DNAI7: variants seen among roughly 807,000 people sequenced by gnomAD.
The protein encoded by DNAI7 is dynein axonemal intermediate chain 7.
Under a neutral mutation model 86.6 loss-of-function variants are expected in DNAI7, and 78 were observed. The observed-to-expected ratio is 0.90, with a 90% CI of 0.75 to 1.09. The LOEUF is 1.09. Among genes scored for constraint, DNAI7 ranks in the 50% least tolerant of loss-of-function variants. DNAI7 has a pLI of 0.00. For synonymous variants in DNAI7, 274 were observed against 273.0 expected, an observed-to-expected ratio of 1.00 and a Z score of -0.04; for missense variants, 753 against 810.2, an observed-to-expected ratio of 0.93 and a Z score of 0.86.
At chr12:25,188,605 C>T (rs779466694) in intron 2 of DNAI7, among the ~76,000 whole-genome samples, 1 of 147,884 alleles carries the variant, frequency 6.8e-6, no homozygotes, top group Non-Finnish European at 1.5e-5. Context: ...ACCCGGGAGG[C>T]GAAGGTTGCA....
At chr12:25,149,522 T>C (rs1945248857) in intron 7 of DNAI7, 106 bp downstream of exon 7, 1 of 790,708 alleles carries the variant, frequency 1.3e-6, no homozygotes. Context: ...TCTGCTAACT[T>C]TTCCATAATC....
chr12:25,167,801 C>G (rs1322864235), intron 2 of DNAI7, among the ~76,000 whole-genome samples: 2 of 152,164 alleles, frequency 1.3e-5, no homozygotes, highest in Non-Finnish European at 2.9e-5. Context: ...ACTTAAAACA[C>G]CTTTCTCCTT....
At chr12:25,183,392 T>C (rs1479932535) in intron 2 of DNAI7, among the ~76,000 whole-genome samples, 1 of 151,944 alleles carries the variant, frequency 6.6e-6, no homozygotes, top group African/African-American at 2.4e-5. Context: ...GATTTGGGCT[T>C]CTGCTGAAAC....
chr12:25,170,886 A>G (rs990476482), intron 2 of DNAI7, among the ~76,000 whole-genome samples: 5 of 152,244 alleles, frequency 3.3e-5, no homozygotes, highest in African/African-American at 1.2e-4. Flanking sequence ...CATTGGGTCA[A>G]AAACGAAATC....
chr12:25,155,207 T>C, intron 5 of DNAI7, 104 bp downstream of exon 5: 5 of 564,038 alleles, frequency 8.9e-6, no homozygotes, highest in Non-Finnish European at 1.6e-5. Context: ...GAGAGGGTTT[T>C]TTAAAACAGA....
intron 12 of DNAI7, 67 bp downstream of exon 12, chr12:25,119,078 T>G: frequency 1.5e-6 from 2 of 1,320,704 alleles, no homozygotes; most frequent in Non-Finnish European, 2.1e-6. Context: ...TACACTACAC[T>G]TTCTGTTTCA....
chr12:25,147,038 T>A lies in DNAI7; in HGVS notation c.652A>T (p.Thr218Ser). 6.2e-7 allele frequency: 1 copy of A among 1,605,742 alleles called. No homozygotes were observed. The highest frequency in any genetic ancestry group is 8.5e-7 in the Non-Finnish European group (1 of 1,172,490). ...MEKVIKDENVTLYVWANLKKN... is the reference protein window; with the variant it reads ...MEKVIKDENVSLYVWANLKKN... ...TTGAGGTTTGCCCACACATACAGAG[T>A]AACATTTTCATCTTTAATGACTTTT... The change falls in exon 8 of 16, where the codon ACT (threonine) becomes TCT (serine). Residue 218 changes from threonine to serine, a missense_variant. Coordinates refer to ENST00000395987, the MANE Select transcript of DNAI7 (RefSeq NM_018272.5).
chr12:25,190,167 A>C (rs1428396299), intron 2 of DNAI7, among the ~76,000 whole-genome samples: 1 of 152,182 alleles, frequency 6.6e-6, no homozygotes. Context: ...ATTGAACTCA[A>C]ATTTCTAAAC....
chr12:25,145,423 C>T (rs1170593391), intron 8 of DNAI7, among the ~76,000 whole-genome samples: 1 of 152,076 alleles, frequency 6.6e-6, no homozygotes, highest in Non-Finnish European at 1.5e-5. Flanking sequence ...TAAAAGACAC[C>T]ACCTAATTCT....
chr12:25,111,703 A>G lies in DNAI7; in HGVS notation c.1779+69T>C. 4.4e-6 allele frequency: 4 copies of G among 910,090 alleles called. No homozygotes were observed. In the South Asian group the frequency reaches 8.0e-5, roughly 18 times the overall value. The allele number at this position is 910,090 out of a possible 1,614,324, so 56.4% of individuals were successfully genotyped here. A position where few individuals can be genotyped will look rare whatever the true frequency, so the allele number is the denominator to read the frequency against. ...AATACAGTGTATATAATATTAAATT[A>G]TATAACATTTAATAATTGCTAACAT... On this transcript the variant is annotated intron_variant, in intron 14 of 15. Coordinates refer to ENST00000395987, the MANE Select transcript of DNAI7 (RefSeq NM_018272.5).
chr12:25,133,630 A>G (rs1356027222), intron 9 of DNAI7, among the ~76,000 whole-genome samples: 2 of 152,098 alleles, frequency 1.3e-5, no homozygotes, highest in Admixed American at 6.5e-5. Flanking sequence ...AATCATACAT[A>G]CTTCAGCATT....
chr12:25,130,729 T>C (rs973644141), intron 9 of DNAI7, among the ~76,000 whole-genome samples: 2 of 152,084 alleles, frequency 1.3e-5, no homozygotes, highest in Non-Finnish European at 2.9e-5. Context: ...GTAATTCTCA[T>C]TAGAAAAAAA....
chr12:25,183,171 T>C (rs879425735), intron 2 of DNAI7, among the ~76,000 whole-genome samples: 3 of 151,146 alleles, frequency 2.0e-5, no homozygotes, highest in African/African-American at 4.9e-5. Context: ...TTCTCACTTA[T>C]AAGTACAATG....
In DNAI7 at chr12:25,108,743, TCTTTGTG is replaced by T; in HGVS notation, c.1967_1973del (p.Ala656AspfsTer2). The T allele has an allele frequency of 6.5e-7, 1 of 1,533,276 alleles. No individual in the cohort carries two copies. The highest frequency in any genetic ancestry group is 8.8e-7 in the Non-Finnish European group (1 of 1,133,092). 95.0% of individuals were successfully genotyped at this position (1,533,276 alleles called of 1,614,324 possible). ...CCTCACTCTCTTCCTTGATCTTCAG[TCTTTGTG>T]CTCTGTCACCACTAAACATTAAAAG... is the stretch of plus-strand genomic sequence containing the variant. On this transcript the variant is annotated frameshift_variant, in exon 16 of 16. Transcript: ENST00000395987. LOFTEE classifies it low-confidence loss of function (END_TRUNC).
intron 9 of DNAI7, among the ~76,000 whole-genome samples, chr12:25,134,985 G>A (rs1180844750): frequency 6.6e-6 from 1 of 152,174 alleles, no homozygotes; most frequent in African/African-American, 2.4e-5. Flanking sequence ...CTAACTTGAA[G>A]CTCCCACTTG....
In DNAI7 at chr12:25,152,025, G is replaced by C. The variant is rs188199679; in HGVS notation, c.439-2251C>G. Among the ~76,000 whole-genome samples, 73 of 152,252 alleles carry C rather than the reference G, an allele frequency of 4.8e-4. 2 individuals are homozygous for C. The highest frequency in any genetic ancestry group is 1.6e-3 in the African/African-American group (68 of 41,544). On this transcript the variant is annotated intron_variant, in intron 6 of 15. Transcript: ENST00000395987. ...GAATAAGAGTAGTGAATTCCTTCTA[G>C]TTTCTATTATCATATAAGTGTGTTT...
chr12:25,107,986 G>T, downstream of DNAI7: 1 of 1,614,038 alleles, frequency 6.2e-7, no homozygotes, highest in Non-Finnish European at 8.5e-7. Flanking sequence ...ACAGCAAGAG[G>T]ACTCATGGAC....
intron 1 of DNAI7, 130 bp downstream of exon 1, chr12:25,194,946 G>T (rs778811839): frequency 5.6e-6 from 9 of 1,614,038 alleles, no homozygotes; most frequent in Admixed American, 3.3e-5. Context: ...CCACCCCAAG[G>T]TATGAGTTAT....
chr12:25,195,014 A>G (rs754746771), intron 1 of DNAI7, 62 bp downstream of exon 1: 1 of 1,614,172 alleles, frequency 6.2e-7, no homozygotes, highest in Non-Finnish European at 8.5e-7. Flanking sequence ...ACATTATTTA[A>G]CACTGGTGAA....
Sources: gnomAD v4.1 joint callset for allele counts (sites outside exome capture counted in the v4.1 genomes callset) on GRCh38, gnomAD v4.1.1 for gene constraint, MANE v1.5 for transcripts, NCBI Gene and HGNC (gene_info 2026-07-23, HGNC 2026-07-21) for gene names.